Variants in SLC8A1 observed in about 807,000 individuals in gnomAD.
SLC8A1 encodes the protein solute carrier family 8 member A1, also known as sodium/calcium exchanger 1.
In SLC8A1, 18 loss-of-function variants were observed where a neutral mutation model predicts 68.3. That is an observed-to-expected ratio of 0.26 (90% confidence interval 0.18 to 0.39). The LOEUF (loss-of-function observed/expected upper bound fraction) is 0.39. Ranked by LOEUF, SLC8A1 falls within the 10% of genes least tolerant of loss-of-function variation. The pLI is 1.00. For synonymous variants in SLC8A1, 475 were observed against 415.5 expected (o/e 1.14, Z -1.74); for missense variants, 985 against 1,156.7 (o/e 0.85, Z 2.15).
At chr2:40,372,324 C>T (rs946306964) in intron 2 of SLC8A1, among the ~76,000 whole-genome samples, 1 of 152,090 alleles carries the variant, frequency 6.6e-6, no homozygotes, top group East Asian at 1.9e-4. Context: ...TATGTGTGTT[C>T]TACCACAGAG....
At chr2:40,152,565 TA>T in intron 6 of SLC8A1, among the ~76,000 whole-genome samples, 1 of 151,332 alleles carries the variant, frequency 6.6e-6, no homozygotes. Flanking sequence ...CCACTACGCC[TA>T]GCTAATTTTT....
chr2:40,192,110 T>C (rs2051988911), intron 2 of SLC8A1, among the ~76,000 whole-genome samples: 1 of 152,156 alleles, frequency 6.6e-6, no homozygotes, highest in East Asian at 1.9e-4. Context: ...TAAGAGATTT[T>C]TTTCACACTT....
intron 1 of SLC8A1, among the ~76,000 whole-genome samples, chr2:40,478,875 A>T (rs750923670): frequency 6.6e-6 from 1 of 151,690 alleles, no homozygotes; most frequent in Non-Finnish European, 1.5e-5. Flanking sequence ...GGGTTCAAGC[A>T]ATTCTCATGC....
intron 2 of SLC8A1, among the ~76,000 whole-genome samples, chr2:40,380,003 C>T (rs1350837924): frequency 6.6e-6 from 1 of 152,084 alleles, no homozygotes; most frequent in Non-Finnish European, 1.5e-5. Flanking sequence ...ATTTATGTCA[C>T]TTGATACCAC....
In SLC8A1 at chr2:40,160,780, T is replaced by C. The variant is rs149826585; in HGVS notation, c.2146A>G (p.Ile716Val). Residue 716 changes from isoleucine to valine, a missense_variant, in exon 6 of 8, where the codon ATC (isoleucine) becomes GTC (valine). Ile to Val is a conservative substitution (Grantham distance 29, BLOSUM62 3). Around this residue, in one of 5 missense-constraint regions of SLC8A1, gnomAD observed 584 missense variants for 565.9 expected, o/e 1.03. Coordinates refer to ENST00000406785, the Ensembl canonical transcript of SLC8A1. ...AGGCACTCACCAGCACTGACAGTGA[T>C]AGCTTCAATGAACTGTTCTCTCCAG... 8.1e-6 allele frequency: 13 copies of C among 1,613,050 alleles called. No individual in the cohort carries two copies. The African/African-American group carries it at 1.1e-4, about 13-fold the overall frequency.
chr2:40,349,500 T>C (rs1292325764), intron 2 of SLC8A1, among the ~76,000 whole-genome samples: 1 of 152,208 alleles, frequency 6.6e-6, no homozygotes, highest in African/African-American at 2.4e-5. Context: ...TCCTTCCTCA[T>C]AGCAGCTAAA....
chr2:40,186,977 T>C (rs2050814708), intron 2 of SLC8A1, among the ~76,000 whole-genome samples: 1 of 152,182 alleles, frequency 6.6e-6, no homozygotes, highest in Non-Finnish European at 1.5e-5. Flanking sequence ...GTACTATTAT[T>C]CTTATTAGTT....
intron 2 of SLC8A1, among the ~76,000 whole-genome samples, chr2:40,256,711 AAGGCTGT>A (rs1223295574): frequency 4.6e-5 from 7 of 152,230 alleles, no homozygotes; most frequent in Admixed American, 1.3e-4. Flanking sequence ...GTCTTTAGAG[AAGGCTGT>A]AGGCCTATCA....
intron 2 of SLC8A1, among the ~76,000 whole-genome samples, chr2:40,421,738 T>C (rs1576359017): frequency 6.6e-6 from 1 of 152,094 alleles, no homozygotes; most frequent in South Asian, 2.1e-4. Context: ...GAAACTGTCA[T>C]CTACAGCACC....
intron 2 of SLC8A1, among the ~76,000 whole-genome samples, chr2:40,263,966 T>C (rs1574896466): frequency 6.6e-6 from 1 of 152,098 alleles, no homozygotes. Context: ...AAAGGGCTAA[T>C]ATCCAGAATC....
chr2:40,277,800 A>ATATATATATATATATATATGTGTGTG (rs1559066469), intron 2 of SLC8A1, among the ~76,000 whole-genome samples: 1 of 68,326 alleles, frequency 1.5e-5, no homozygotes, highest in African/African-American at 9.5e-5. Context: ...GTGTGTATAT[A>ATATATATATATATATATATGTGTGTG]TATATATATA....
rs868810316 is a variant in SLC8A1, at chr2:40,200,251, T to A, written c.1809-22396A>T. On this transcript the variant is annotated intron_variant, in intron 2 of 7. Transcript: ENST00000406785. ...ATATATATATATAAATATATATATA[T>A]ATATATATATATATATAACCTCTTT... 1.2e-3 allele frequency among the ~76,000 whole-genome samples: 83 copies of A among 68,496 alleles called. 10 individuals carry two copies. Among genetic ancestry groups the A allele is most frequent in the Middle Eastern group, 9.9e-3 (2 of 202 alleles). The allele number at this position is 68,496 out of a possible 152,430, so 44.9% of individuals were successfully genotyped here.
upstream of SLC8A1, among the ~76,000 whole-genome samples, chr2:40,455,254 CAT>C (rs796831797): frequency 2.0e-5 from 3 of 152,296 alleles, no homozygotes; most frequent in African/African-American, 7.2e-5. Context: ...AAAATTTAGA[CAT>C]GTGATCAGGT....
At chr2:40,132,249 G>A (rs1214577334) in intron 7 of SLC8A1, among the ~76,000 whole-genome samples, 1 of 151,942 alleles carries the variant, frequency 6.6e-6, no homozygotes, top group African/African-American at 2.4e-5. Flanking sequence ...TTATAAAAAC[G>A]AGAGATAACA....
exon 8 of SLC8A1, chr2:40,102,405 A>C (rs1406310333): frequency 6.6e-6 from 1 of 151,914 alleles, no homozygotes; most frequent in Non-Finnish European, 1.5e-5. Context: ...AAGTATATCA[A>C]ATGCAAGGAC....
intron 1 of SLC8A1, among the ~76,000 whole-genome samples, chr2:40,482,291 T>C (rs1005473228): frequency 7.2e-5 from 11 of 151,930 alleles, no homozygotes; most frequent in Non-Finnish European, 1.3e-4. Context: ...TGCAGGGTCA[T>C]TTATAGCCTC....
In SLC8A1 at chr2:40,172,405, A is replaced by T. The variant is rs12988544; in HGVS notation, c.1930+2420T>A. On this transcript the variant is annotated intron_variant, in intron 4 of 7. Coordinates refer to ENST00000406785, the Ensembl canonical transcript of SLC8A1. The stretch of plus-strand genomic sequence containing the variant: ...GATGGTAATAGGAAACTGCCATTTC[A>T]GATTACAGTTTCAGCCATAGGAAGA... 7.1e-3 allele frequency among the ~76,000 whole-genome samples: 1,084 copies of T among 152,286 alleles called. 3 individuals are homozygous for T. Among genetic ancestry groups the T allele is most frequent in the Non-Finnish European group, 0.011 (732 of 68,030 alleles).
chr2:40,122,949 T>C (rs1026268274), intron 7 of SLC8A1, among the ~76,000 whole-genome samples: 74 of 152,282 alleles, frequency 4.9e-4, no homozygotes, highest in South Asian at 1.4e-3. Flanking sequence ...AAATTTATTC[T>C]AATTAAAGGA....
intron 1 of SLC8A1, among the ~76,000 whole-genome samples, chr2:40,485,953 GT>G (rs1257978123): frequency 6.6e-6 from 1 of 152,132 alleles, no homozygotes; most frequent in Non-Finnish European, 1.5e-5. Flanking sequence ...ATGTGATATG[GT>G]TTGGTTTGTC....
Sources: allele counts gnomAD v4.1 joint callset (sites outside exome capture counted in the v4.1 genomes callset), GRCh38; gene constraint gnomAD v4.1.1; regional missense constraint gnomAD v4.1.1; transcripts MANE v1.5; gene names NCBI Gene and HGNC (gene_info 2026-07-23, HGNC 2026-07-21).